C12orf42: variants seen among roughly 807,000 people sequenced by gnomAD.
C12orf42 encodes the protein chromosome 12 open reading frame 42, also known as uncharacterized protein C12orf42.
Under a neutral mutation model 21.6 loss-of-function variants are expected in C12orf42, and 25 were observed. That is an observed-to-expected ratio of 1.16 (90% confidence interval 0.84 to 1.62). The LOEUF is 1.62. C12orf42 is among the 40% of genes most tolerant of loss of function. C12orf42 has a pLI of 0.00. For missense variants in C12orf42, 483 were observed against 459.3 expected, an observed-to-expected ratio of 1.05 and a Z score of -0.47; for synonymous variants, 174 against 175.0, an observed-to-expected ratio of 0.99 and a Z score of 0.05.
intron 2 of C12orf42, among the ~76,000 whole-genome samples, chr12:103,434,187 C>A (rs1284632354): frequency 6.6e-6 from 1 of 152,190 alleles, no homozygotes; most frequent in Non-Finnish European, 1.5e-5. Context: ...AGCTACAGAG[C>A]TTCTTTCCCC....
intron 4 of C12orf42, among the ~76,000 whole-genome samples, chr12:103,295,622 G>T (rs1246811343): frequency 6.6e-6 from 1 of 152,088 alleles, no homozygotes; most frequent in Non-Finnish European, 1.5e-5. Flanking sequence ...AGAGGAACAT[G>T]ATGACACAGT....
At chr12:103,225,681 T>C in the C12orf42 span, among the ~76,000 whole-genome samples, 1 of 151,940 alleles carries the variant, frequency 6.6e-6, no homozygotes, top group Admixed American at 6.6e-5. Flanking sequence ...TGGGGATAAC[T>C]AAAAAGGAGT....
chr12:103,425,777 C>T (rs1422980522), intron 2 of C12orf42, among the ~76,000 whole-genome samples: 1 of 152,046 alleles, frequency 6.6e-6, no homozygotes, highest in Non-Finnish European at 1.5e-5. Flanking sequence ...GGAGCTTCTG[C>T]CTTTCTTTCA....
intron 2 of C12orf42, among the ~76,000 whole-genome samples, chr12:103,472,715 G>C (rs1953725059): frequency 6.6e-6 from 1 of 152,168 alleles, no homozygotes; most frequent in Non-Finnish European, 1.5e-5. Context: ...CAGCACTGGA[G>C]ATGGAAAGGC....
the C12orf42 span, among the ~76,000 whole-genome samples, chr12:103,552,276 C>T: frequency 7.9e-5 from 12 of 152,160 alleles, no homozygotes; most frequent in Non-Finnish European, 2.9e-5. Flanking sequence ...TGCTCTGTAA[C>T]CTCACTTTGA....
chr12:103,176,251 C>T, the C12orf42 span, among the ~76,000 whole-genome samples: 1 of 152,132 alleles, frequency 6.6e-6, no homozygotes, highest in Non-Finnish European at 1.5e-5. Context: ...CTCAAACATA[C>T]ATCGTATAAA....
At chr12:103,335,233 A>G (rs1315810174) in intron 4 of C12orf42, among the ~76,000 whole-genome samples, 4 of 152,242 alleles carry the variant, frequency 2.6e-5, no homozygotes, top group African/African-American at 7.2e-5. Context: ...GATGCATAAG[A>G]GGAGAGTATA....
At chr12:103,174,244 C>T in the C12orf42 span, among the ~76,000 whole-genome samples, 7 of 152,160 alleles carry the variant, frequency 4.6e-5, no homozygotes, top group Non-Finnish European at 1.0e-4. Flanking sequence ...AAAAGTCACA[C>T]AACCTATGGC....
intron 1 of C12orf42, among the ~76,000 whole-genome samples, chr12:103,491,387 T>C (rs1397189629): frequency 2.6e-5 from 4 of 152,214 alleles, no homozygotes; most frequent in African/African-American, 9.7e-5. Flanking sequence ...CATCCCATTT[T>C]CTTGGAATTG....
chr12:103,489,489 G>T (rs565472843), intron 1 of C12orf42, among the ~76,000 whole-genome samples: 15 of 152,368 alleles, frequency 9.8e-5, no homozygotes, highest in African/African-American at 3.6e-4. Context: ...CCTCAGAGCT[G>T]TTAGACAGGG....
intron 2 of C12orf42, among the ~76,000 whole-genome samples, chr12:103,420,868 A>C (rs1313720695): frequency 6.6e-6 from 1 of 152,168 alleles, no homozygotes; most frequent in Non-Finnish European, 1.5e-5. Context: ...CGACCATTGG[A>C]TTATTTGTGG....
chr12:103,406,976 C>T (rs1047111667), intron 2 of C12orf42, among the ~76,000 whole-genome samples: 1 of 152,150 alleles, frequency 6.6e-6, no homozygotes, highest in African/African-American at 2.4e-5. Flanking sequence ...AGTTGTGCCC[C>T]GTAATAACTC....
At chr12:103,562,500 C>G in the C12orf42 span, among the ~76,000 whole-genome samples, 14 of 152,144 alleles carry the variant, frequency 9.2e-5, no homozygotes, top group Admixed American at 9.2e-4. Flanking sequence ...TGCAATTTCC[C>G]AGTCCACACA....
At chr12:103,511,723 A>C in the C12orf42 span, among the ~76,000 whole-genome samples, 1 of 152,338 alleles carries the variant, frequency 6.6e-6, no homozygotes, top group East Asian at 1.9e-4. Context: ...CTCCAAGTTG[A>C]CTAATAATAG....
At chr12:103,355,556 C>T (rs2043469624) in intron 4 of C12orf42, among the ~76,000 whole-genome samples, 1 of 152,030 alleles carries the variant, frequency 6.6e-6, no homozygotes, top group South Asian at 2.1e-4. Context: ...ATTCGATTAT[C>T]CAGTCTCTTC....
chr12:103,095,018 G>A, the C12orf42 span, among the ~76,000 whole-genome samples: 2 of 152,186 alleles, frequency 1.3e-5, no homozygotes, highest in East Asian at 1.9e-4. Context: ...ATCTTGGGGT[G>A]ATTTCGACTT....
the C12orf42 span, among the ~76,000 whole-genome samples, chr12:103,179,983 G>A: frequency 6.6e-6 from 1 of 152,084 alleles, no homozygotes; most frequent in Non-Finnish European, 1.5e-5. Context: ...AGGTGAAGGA[G>A]GAGAGGAGAA....
At chr12:103,400,436 TGG>T (rs1280190718) in intron 3 of C12orf42, among the ~76,000 whole-genome samples, 1 of 152,262 alleles carries the variant, frequency 6.6e-6, no homozygotes, top group African/African-American at 2.4e-5. Context: ...GGGACTTTGC[TGG>T]GGCCTGTTTC....
the C12orf42 span, among the ~76,000 whole-genome samples, chr12:103,157,067 T>C: frequency 6.6e-6 from 1 of 152,214 alleles, no homozygotes; most frequent in Non-Finnish European, 1.5e-5. Context: ...TCCACAATAG[T>C]TGAGCTAATT....
Sources: allele counts gnomAD v4.1 joint callset (sites outside exome capture counted in the v4.1 genomes callset), GRCh38; gene constraint gnomAD v4.1.1; transcripts MANE v1.5; gene names NCBI Gene and HGNC (gene_info 2026-07-23, HGNC 2026-07-21).